The following CFTR variants were observed in gnomAD, a reference collection of about 807,000 sequenced individuals.
The protein encoded by CFTR is CF transmembrane conductance regulator.
Under a neutral mutation model 171.6 loss-of-function variants are expected in CFTR, and 181 were observed. The observed-to-expected ratio is 1.05, with a 90% CI of 0.93 to 1.19. The LOEUF (loss-of-function observed/expected upper bound fraction) is 1.19. Among genes scored for constraint, CFTR ranks in the 50% most tolerant of loss-of-function variants. CFTR has a pLI of 0.00. For missense variants in CFTR, 1,968 were observed against 1,734.7 expected (o/e 1.13, Z -2.39); for synonymous variants, 583 against 608.0 (o/e 0.96, Z 0.60).
chr7:117,544,266 A>G (rs1454740380), intron 9 of CFTR, among the ~76,000 whole-genome samples: 3 of 152,190 alleles, frequency 2.0e-5, no homozygotes. Context: ...ACTCTAGTCA[A>G]CTGTAAGTTT....
intron 10 of CFTR, 81 bp from the exon 11 acceptor site, chr7:117,559,383 C>G: frequency 1.1e-6 from 1 of 898,652 alleles, no homozygotes; most frequent in Non-Finnish European, 1.9e-6. Context: ...ATATACACTT[C>G]TGCTTAGGAT....
At chr7:117,583,725 T>C (rs1198668194) in intron 11 of CFTR, among the ~76,000 whole-genome samples, 1 of 152,188 alleles carries the variant, frequency 6.6e-6, no homozygotes, top group Non-Finnish European at 1.5e-5. Context: ...GTAGTTCTCC[T>C]TTTAGTTCTT....
intron 24 of CFTR, among the ~76,000 whole-genome samples, chr7:117,659,284 C>T (rs554490053): frequency 2.4e-4 from 36 of 152,284 alleles, no homozygotes; most frequent in Admixed American, 7.8e-4. Flanking sequence ...CCTTTCATAG[C>T]ATTTCTCACT....
chr7:117,630,942 A>G lies in CFTR; in HGVS notation c.3717+3172A>G, dbSNP rs1448229676. 1.3e-5 allele frequency among the ~76,000 whole-genome samples: 2 copies of G among 152,176 alleles called. 1 individual carries two copies. The highest frequency in any genetic ancestry group is 1.3e-4 in the Admixed American group (2 of 15,272). ...GTTCAGTCAGGTTGGGGGATGCCAAAGGAAGTAATGGGAGACAAGATTGGA... is the reference window on the plus strand; with the variant it reads ...GTTCAGTCAGGTTGGGGGATGCCAAGGGAAGTAATGGGAGACAAGATTGGA... On this transcript the variant is annotated intron_variant, in intron 22 of 26. Transcript: ENST00000003084.
At chr7:117,595,767 T>C (rs916123119) in intron 15 of CFTR, among the ~76,000 whole-genome samples, 6 of 152,030 alleles carry the variant, frequency 3.9e-5, no homozygotes, top group African/African-American at 4.8e-5. Context: ...GCCTGTATGC[T>C]ACCATTAACT....
chr7:117,593,819 C>T (rs1057406707), intron 14 of CFTR, among the ~76,000 whole-genome samples: 1 of 152,162 alleles, frequency 6.6e-6, no homozygotes, highest in African/African-American at 2.4e-5. Flanking sequence ...TGGTCTTGAA[C>T]TCCTGACCTT....
intron 1 of CFTR, among the ~76,000 whole-genome samples, chr7:117,493,935 AAC>A (rs1280076992): frequency 6.6e-6 from 1 of 152,118 alleles, no homozygotes; most frequent in African/African-American, 2.4e-5. Flanking sequence ...ATACCTGTAT[AAC>A]AGAGCAGAGA....
At chr7:117,582,295 A>C (rs978373506) in intron 11 of CFTR, among the ~76,000 whole-genome samples, 3 of 152,156 alleles carry the variant, frequency 2.0e-5, no homozygotes, top group Admixed American at 2.0e-4. Flanking sequence ...TCTGGGTCTC[A>C]CATTATCCAA....
At chr7:117,655,516 T>C (rs991046503) in intron 24 of CFTR, among the ~76,000 whole-genome samples, 6 of 152,210 alleles carry the variant, frequency 3.9e-5, no homozygotes, top group Admixed American at 6.5e-5. Flanking sequence ...GGTAAGAAGA[T>C]AGTAGCTTTC....
intron 16 of CFTR, among the ~76,000 whole-genome samples, chr7:117,603,171 T>C (rs1360686001): frequency 6.6e-6 from 1 of 152,124 alleles, no homozygotes; most frequent in Non-Finnish European, 1.5e-5. Flanking sequence ...TGAGATCCTA[T>C]ATCTAAAATA....
rs775055594 is a variant in CFTR, at chr7:117,548,826, A to G, written c.1392+3A>G. On this transcript the variant is annotated splice_donor_region_variant and intron_variant, in intron 10 of 26. Coordinates refer to ENST00000003084, the MANE Select transcript of CFTR (RefSeq NM_000492.4). ...CTGGATCCACTGGAGCAGGCAAGGT[A>G]GTTCTTTTGTTCTTCACTATTAAGA... is the stretch of plus-strand genomic sequence containing the variant. The G allele has an allele frequency of 1.2e-6, 2 of 1,608,078 alleles. No individual in the cohort carries two copies. Among genetic ancestry groups the G allele is most frequent in the Non-Finnish European group, 8.5e-7 (1 of 1,176,372 alleles).
intron 21 of CFTR, among the ~76,000 whole-genome samples, 179 bp from the exon 22 acceptor site, chr7:117,627,343 T>C (rs769265821): frequency 1.2e-4 from 18 of 152,148 alleles, no homozygotes; most frequent in Non-Finnish European, 2.4e-4. Flanking sequence ...TTATTTCTCT[T>C]CAGTTAAACT....
intron 12 of CFTR, among the ~76,000 whole-genome samples, chr7:117,590,021 GTGTA>G (rs1026831513): frequency 3.3e-5 from 5 of 151,980 alleles, no homozygotes; most frequent in Admixed American, 2.6e-4. Flanking sequence ...ATATTTTAAA[GTGTA>G]TGCTATGGTA....
chr7:117,480,032 G>C lies in CFTR; in HGVS notation c.-63G>C, dbSNP rs1209251650. The C allele has an allele frequency of 6.8e-7, 1 of 1,471,024 alleles. No homozygotes were observed. Among genetic ancestry groups the C allele is most frequent in the South Asian group, 1.1e-5 (1 of 88,354 alleles). 91.1% of individuals were successfully genotyped at this position (1,471,024 alleles called of 1,614,324 possible). On this transcript the variant is annotated 5_prime_UTR_variant, in exon 1 of 27. Coordinates refer to ENST00000003084, the MANE Select transcript of CFTR (RefSeq NM_000492.4). ...GAGCGGCAGGCACCCAGAGTAGTAG[G>C]TCTTTGGCATTAGGAGCTTGAGCCC...
At chr7:117,612,729 C>T (rs887869779) in intron 20 of CFTR, among the ~76,000 whole-genome samples, 1 of 152,028 alleles carries the variant, frequency 6.6e-6, no homozygotes, top group Non-Finnish European at 1.5e-5. Context: ...TGGTGCCATT[C>T]GACTCTTAAA....
chr7:117,487,010 A>G (rs547431084), intron 1 of CFTR, among the ~76,000 whole-genome samples: 4 of 152,166 alleles, frequency 2.6e-5, no homozygotes, highest in African/African-American at 7.2e-5. Flanking sequence ...GATAACATCT[A>G]TATTTGTTGA....
At chr7:117,502,478 CT>C (rs776053752) in intron 1 of CFTR, among the ~76,000 whole-genome samples, 3 of 152,228 alleles carry the variant, frequency 2.0e-5, no homozygotes, top group Non-Finnish European at 4.4e-5. Context: ...TTTTTCACTT[CT>C]TGACTTTAGT....
intron 20 of CFTR, among the ~76,000 whole-genome samples, chr7:117,612,039 A>ATATATATATATATATATG: frequency 1.4e-5 from 1 of 73,658 alleles, no homozygotes; most frequent in East Asian, 2.6e-4. Flanking sequence ...ATATATATAT[A>ATATATATATATATATATG]TATATATATA....
chr7:117,628,860 G>T (rs1356703222), intron 22 of CFTR, among the ~76,000 whole-genome samples: 2 of 152,032 alleles, frequency 1.3e-5, no homozygotes, highest in Admixed American at 1.3e-4. Flanking sequence ...AGCTGAAAGT[G>T]TTTTTTCCTG....
Sources: allele counts gnomAD v4.1 joint callset (sites outside exome capture counted in the v4.1 genomes callset), GRCh38; gene constraint gnomAD v4.1.1; transcripts MANE v1.5; gene names NCBI Gene and HGNC (gene_info 2026-07-23, HGNC 2026-07-21).